Variants in NRG1 observed in about 807,000 individuals in gnomAD.
NRG1 encodes pro-neuregulin-1, membrane-bound isoform.
A neutral mutation model predicts 63.8 loss-of-function variants in NRG1; 18 were observed. The ratio of observed to expected loss-of-function variants is 0.28; its 90% confidence interval spans 0.19 to 0.42. NRG1 has a LOEUF of 0.42. NRG1 is among the 10% of genes least tolerant of loss of function. The pLI is 1.00. For missense variants in NRG1, 762 were observed against 814.7 expected (o/e 0.94, Z 0.79); for synonymous variants, 302 against 301.3 (o/e 1.00, Z -0.02).
chr8:32,528,807 G>A (rs189720094), intron 1 of NRG1, among the ~76,000 whole-genome samples: 2 of 152,224 alleles, frequency 1.3e-5, no homozygotes, highest in East Asian at 1.9e-4. Context: ...TTCAACACAC[G>A]ACTGGTTCTT....
intron 7 of NRG1, among the ~76,000 whole-genome samples, chr8:32,753,689 C>T (rs563198426): frequency 1.2e-4 from 18 of 152,294 alleles, no homozygotes; most frequent in Admixed American, 1.2e-3. Context: ...GCCCTGCTAC[C>T]TCATATTGTA....
chr8:31,763,832 C>A (rs1486928776), intron 1 of NRG1, among the ~76,000 whole-genome samples: 46 of 151,954 alleles, frequency 3.0e-4, no homozygotes. Context: ...TGGCTGTAGT[C>A]CCAGCTACTT....
At chr8:31,727,234 G>A (rs191485012) in intron 1 of NRG1, among the ~76,000 whole-genome samples, 7 of 152,214 alleles carry the variant, frequency 4.6e-5, no homozygotes, top group South Asian at 4.1e-4. Context: ...AAACAGGAGG[G>A]TATGTGGTAT....
intron 1 of NRG1, among the ~76,000 whole-genome samples, chr8:32,271,055 C>T (rs1413536295): frequency 6.6e-6 from 1 of 152,058 alleles, no homozygotes; most frequent in Admixed American, 6.6e-5. Flanking sequence ...GGCCTTTTTG[C>T]CCTCTTTTCC....
Position 32,048,492 on chromosome 8 carries a change from G to A in NRG1, c.37+409061G>A, listed in dbSNP as rs1207372202. On this transcript the variant is annotated intron_variant, in intron 1 of 10. Coordinates refer to the NRG1 transcript ENST00000519301. ...ATATATATATATATATATAGTGGTG[G>A]GATTGCTGGATCATATGGTAGTTCT... Among the ~76,000 whole-genome samples the A allele has an allele frequency of 3.6e-5, 5 of 137,074 alleles. No homozygotes were observed. In the East Asian group the frequency reaches 1.0e-3, roughly 28 times the overall value. 89.9% of individuals were successfully genotyped at this position (137,074 alleles called of 152,430 possible). A position where few individuals can be genotyped will look rare whatever the true frequency, so the allele number is the denominator to read the frequency against.
chr8:32,344,354 C>CTTTG (rs779716648), intron 1 of NRG1, among the ~76,000 whole-genome samples: 2 of 36,348 alleles, frequency 5.5e-5, no homozygotes, highest in Non-Finnish European at 1.4e-4. Context: ...TTCTTTCTTT[C>CTTTG]TTTCTTTCTT....
At chr8:31,956,063 A>C (rs1183055167) in intron 1 of NRG1, among the ~76,000 whole-genome samples, 1 of 151,414 alleles carries the variant, frequency 6.6e-6, no homozygotes, top group Non-Finnish European at 1.5e-5. Flanking sequence ...ACAAAAAAAC[A>C]AAAAAACAAA....
At chr8:32,256,492 T>C (rs1849718477) in intron 1 of NRG1, 1 of 152,380 alleles carries the variant, frequency 6.6e-6, no homozygotes, top group African/African-American at 2.4e-5. Flanking sequence ...GAGACCCTGT[T>C]TGTGTCTACG....
At position 32,614,516 on chromosome 8, in the gene NRG1, A is replaced by G. The variant is rs892456872; in HGVS notation, c.403A>G (p.Ile135Val). 3.1e-6 allele frequency: 5 copies of G among 1,611,328 alleles called. No homozygotes were observed. The African/African-American group carries it at 4.0e-5, about 13-fold the overall frequency. The change falls in exon 4 of 12, where the codon ATC becomes GTC. Residue 135 changes from isoleucine to valine, a missense_variant and splice_region_variant. Coordinates refer to ENST00000356819, the Ensembl canonical transcript of NRG1. The stretch of plus-strand genomic sequence containing the variant: ...GTCCTATCACCTTTTTTTTTCAGAG[A>G]TCATCACTGGTATGCCAGCCTCAAC...
chr8:32,040,750 C>CATATATATAGATATATATAT (rs1819870926), intron 1 of NRG1, among the ~76,000 whole-genome samples: 1 of 48,684 alleles, frequency 2.1e-5, no homozygotes, highest in African/African-American at 6.1e-5. Context: ...AATTTAGGCG[C>CATATATATAGATATATATAT]ATATATATAT....
At chr8:32,383,730 G>A (rs1013545600) in intron 1 of NRG1, among the ~76,000 whole-genome samples, 29 of 152,180 alleles carry the variant, frequency 1.9e-4, no homozygotes, top group African/African-American at 5.8e-4. Context: ...GGATTGGTCC[G>A]TCATGCGGTA....
intron 1 of NRG1, among the ~76,000 whole-genome samples, chr8:31,972,395 A>T (rs1807441719): frequency 6.6e-6 from 1 of 152,118 alleles, no homozygotes; most frequent in South Asian, 2.1e-4. Flanking sequence ...TTATCTCCAT[A>T]TGTCGACAGG....
Position 31,640,186 on chromosome 8 carries a change from A to T in NRG1, c.37+755A>T. The T allele has an allele frequency of 8.4e-7, 1 of 1,185,124 alleles. No individual in the cohort carries two copies. Among genetic ancestry groups the T allele is most frequent in the Non-Finnish European group, 1.0e-6 (1 of 957,262 alleles). 73.4% of individuals were successfully genotyped at this position (1,185,124 alleles called of 1,614,324 possible). A position where few individuals can be genotyped will look rare whatever the true frequency, so the allele number is the denominator to read the frequency against. On this transcript the variant is annotated intron_variant, in intron 1 of 10. Transcript: ENST00000519301. The surrounding 1 kb of genome is among the most constrained non-coding windows in gnomAD (Gnocchi z 6.3). ...CTCGGTGTGCTACTCGTCCCCGCCC[A>T]GCGTGGGATCGGTGCAGGAGCTAGC...
intron 1 of NRG1, among the ~76,000 whole-genome samples, chr8:32,268,163 C>G (rs919591913): frequency 1.3e-5 from 2 of 152,170 alleles, no homozygotes; most frequent in African/African-American, 4.8e-5. Flanking sequence ...TGCCAACAAT[C>G]TGAAGGAGCC....
chr8:31,846,888 C>T (rs1826739682), intron 1 of NRG1, among the ~76,000 whole-genome samples: 1 of 152,070 alleles, frequency 6.6e-6, no homozygotes, highest in African/African-American at 2.4e-5. Context: ...TGACTGCCTG[C>T]CTATTCAGTG....
chr8:32,590,716 G>A (rs142821804), intron 1 of NRG1, among the ~76,000 whole-genome samples: 138 of 152,052 alleles, frequency 9.1e-4, no homozygotes, highest in East Asian at 1.7e-3. Flanking sequence ...TGAGAAACAC[G>A]TGTACATTGA....
At chr8:31,745,009 G>A (rs1328537238) in intron 1 of NRG1, among the ~76,000 whole-genome samples, 2 of 151,922 alleles carry the variant, frequency 1.3e-5, no homozygotes, top group Non-Finnish European at 1.5e-5. Context: ...AATGAAAAGG[G>A]TGGGACGATT....
intron 1 of NRG1, among the ~76,000 whole-genome samples, chr8:31,728,194 T>C (rs1184948042): frequency 1.3e-5 from 2 of 152,182 alleles, no homozygotes; most frequent in Non-Finnish European, 2.9e-5. Flanking sequence ...CTGGGCATGG[T>C]GGCTCATGCC....
intron 1 of NRG1, among the ~76,000 whole-genome samples, chr8:32,462,594 T>G (rs1339862212): frequency 7.5e-6 from 1 of 132,718 alleles, no homozygotes; most frequent in African/African-American, 2.9e-5. Flanking sequence ...ACACACTGAT[T>G]CTTTTTTTTT....
Sources: gnomAD v4.1 joint callset for allele counts (sites outside exome capture counted in the v4.1 genomes callset) on GRCh38, gnomAD v4.1.1 for gene constraint, Gnocchi (gnomAD v3.1) non-coding constraint, MANE v1.5 for transcripts, NCBI Gene and HGNC (gene_info 2026-07-23, HGNC 2026-07-21) for gene names.